The following UBR3 variants were observed in gnomAD, a reference collection of about 807,000 sequenced individuals.
UBR3 encodes the protein ubiquitin protein ligase E3 component n-recognin 3, also known as E3 ubiquitin-protein ligase UBR3.
In UBR3, 85 loss-of-function variants were observed where a neutral mutation model predicts 243.2. The ratio of observed to expected loss-of-function variants is 0.35; its 90% CI spans 0.29 to 0.42. The LOEUF (loss-of-function observed/expected upper bound fraction) is 0.42. Ranked by LOEUF, UBR3 falls within the 10% of genes least tolerant of loss-of-function variation. The pLI, the probability that UBR3 is intolerant of heterozygous loss-of-function variation, is 1.00. For missense variants in UBR3, 1,686 were observed against 2,300.8 expected (o/e 0.73, Z 5.47); for synonymous variants, 748 against 799.8 (o/e 0.94, Z 1.09).
chr2:169,830,074 G>A (rs1053558114), intron 1 of UBR3, among the ~76,000 whole-genome samples: 2 of 151,986 alleles, frequency 1.3e-5, no homozygotes, highest in Non-Finnish European at 2.9e-5. Flanking sequence ...TAAAAAAACT[G>A]CTGCATAGTG....
chr2:169,955,425 C>T (rs2087233865), intron 23 of UBR3, among the ~76,000 whole-genome samples: 1 of 151,998 alleles, frequency 6.6e-6, no homozygotes. Context: ...GGAGTCATGT[C>T]AAGCTGGTTT....
chr2:170,008,616 C>T (rs547658063), intron 28 of UBR3, among the ~76,000 whole-genome samples, 188 bp from the exon 29 acceptor site: 1 of 152,122 alleles, frequency 6.6e-6, no homozygotes, highest in South Asian at 2.1e-4. Flanking sequence ...AATAAAAGAT[C>T]ACTGTTTAGA....
chr2:170,048,120 A>G (rs2091131521), intron 32 of UBR3, among the ~76,000 whole-genome samples: 1 of 152,166 alleles, frequency 6.6e-6, no homozygotes, highest in African/African-American at 2.4e-5. Flanking sequence ...AAAGGTTGAT[A>G]AGGGAGGGGC....
intron 3 of UBR3, 151 bp from the exon 4 acceptor site, chr2:169,877,343 A>G (rs1026709070): frequency 2.4e-5 from 15 of 633,134 alleles, no homozygotes; most frequent in African/African-American, 7.5e-5. Flanking sequence ...CATAAGCACA[A>G]AAGTGTTATT....
chr2:170,066,397 G>A (rs2091567713), intron 35 of UBR3, among the ~76,000 whole-genome samples: 2 of 152,064 alleles, frequency 1.3e-5, no homozygotes, highest in Admixed American at 1.3e-4. Flanking sequence ...TCTAAATAGA[G>A]CAGCTTCACA....
intron 20 of UBR3, among the ~76,000 whole-genome samples, chr2:169,943,629 G>GAA (rs927637406): frequency 2.3e-4 from 35 of 152,004 alleles, no homozygotes; most frequent in Middle Eastern, 3.4e-3. Context: ...AAAGAAAAAA[G>GAA]AAAATAACTA....
In UBR3 at chr2:169,953,496, A is replaced by T. The variant is rs371381060; in HGVS notation, c.3545+3431A>T. On this transcript the variant is annotated intron_variant, in intron 23 of 38. Coordinates refer to ENST00000272793, the MANE Select transcript of UBR3 (RefSeq NM_172070.4). ...ATAAAATGCAGCTTCAATGTCTTTA[A>T]CCCAGGAGTTAATGGAAAATTTTTG... Among the ~76,000 whole-genome samples, 8 of 152,356 alleles carry T rather than the reference A, an allele frequency of 5.3e-5. No individual in the cohort carries two copies. The South Asian group carries it at 1.0e-3, about 20-fold the overall frequency.
rs113066581 is a variant in UBR3 at position 169,936,508 on chromosome 2, C to T, written c.2663+3500C>T. 6.5e-3 allele frequency among the ~76,000 whole-genome samples: 976 copies of T among 150,538 alleles called. 11 individuals are homozygous for T. Among genetic ancestry groups the T allele is most frequent in the African/African-American group, 0.022 (912 of 41,154 alleles). On this transcript the variant is annotated intron_variant, in intron 19 of 38. Transcript: ENST00000272793. Reference sequence around the variant, plus strand: ...TGTAGTATTTGTTTCCTCTAAGATGCGTTTTCTTTTTATTATTATTATTAT... The same window carrying T: ...TGTAGTATTTGTTTCCTCTAAGATGTGTTTTCTTTTTATTATTATTATTAT...
At position 169,827,509 on chromosome 2, in the gene UBR3, TGGC is replaced by T. The variant is rs1362653077; in HGVS notation, c.12_14del (p.Ala8?). The T allele has an allele frequency of 1.6e-6, 2 of 1,229,006 alleles. No homozygotes were observed. Among genetic ancestry groups the T allele is most frequent in the South Asian group, 4.1e-5 (1 of 24,366 alleles). 76.1% of individuals were successfully genotyped at this position (1,229,006 alleles called of 1,614,324 possible). A position where few individuals can be genotyped will look rare whatever the true frequency, so the allele number is the denominator to read the frequency against. On this transcript the variant is annotated start_lost and inframe_deletion, in exon 1 of 39. Transcript: ENST00000272793. ...CTCTCCAAATTCTGAGCTCTCATCA[TGGC>T]GGCGGCGGCCGCGGCGGCCGTCGGG...
chr2:169,994,690 A>G (rs996548189), intron 26 of UBR3, among the ~76,000 whole-genome samples: 9 of 152,238 alleles, frequency 5.9e-5, no homozygotes, highest in African/African-American at 1.9e-4. Context: ...ACATTCAATT[A>G]AGTGGAATGA....
At chr2:169,892,284 C>T (rs2084406071) in intron 6 of UBR3, among the ~76,000 whole-genome samples, 1 of 152,180 alleles carries the variant, frequency 6.6e-6, no homozygotes, top group Non-Finnish European at 1.5e-5. Context: ...ATATGGCCTT[C>T]TGGCTCTTTA....
At chr2:170,060,104 A>C (rs962949612) in intron 33 of UBR3, among the ~76,000 whole-genome samples, 5 of 152,192 alleles carry the variant, frequency 3.3e-5, no homozygotes, top group African/African-American at 4.8e-5. Context: ...TTAAACTTAC[A>C]TTCTGTGGTG....
At chr2:169,920,130 C>A (rs2105343048) in intron 11 of UBR3, among the ~76,000 whole-genome samples, 2 of 151,504 alleles carry the variant, frequency 1.3e-5, no homozygotes, top group Middle Eastern at 6.9e-3. Flanking sequence ...TGTGTATATT[C>A]CAGCCATAAA....
rs145201293 is a variant in UBR3, at chr2:169,956,300, T to TTATATATA, written c.3546-2129_3546-2122dup. On this transcript the variant is annotated intron_variant, in intron 23 of 38. Transcript: ENST00000272793. ...AAATTACATATATTTAACTAAAATG[T>TTATATATA]TATATATATATATATAACTTTTTTA... 3.9e-3 allele frequency among the ~76,000 whole-genome samples: 578 copies of TTATATATA among 147,036 alleles called. 2 individuals are homozygous for TTATATATA. Among genetic ancestry groups the TTATATATA allele is most frequent in the African/African-American group, 0.012 (465 of 40,358 alleles).
intron 4 of UBR3, among the ~76,000 whole-genome samples, 177 bp from the exon 5 acceptor site, chr2:169,878,348 G>A (rs371972025): frequency 4.3e-5 from 6 of 140,754 alleles, no homozygotes; most frequent in Non-Finnish European, 7.7e-5. Flanking sequence ...GCAACAGAGC[G>A]AGAATCCCGT....
intron 1 of UBR3, among the ~76,000 whole-genome samples, chr2:169,836,077 T>C (rs1479820710): frequency 1.1e-5 from 1 of 88,400 alleles, no homozygotes; most frequent in African/African-American, 4.1e-5. Flanking sequence ...ATTTTTTTTT[T>C]TTTTTTTTTT....
At position 169,827,869 on chromosome 2, in the gene UBR3, G is replaced by A; in HGVS notation, c.362G>A (p.Gly121Asp). 1 of 1,508,208 alleles carries A rather than the reference G, an allele frequency of 6.6e-7. No individual in the cohort carries two copies. The highest frequency in any genetic ancestry group is 8.8e-7 in the Non-Finnish European group (1 of 1,132,720). The allele number at this position is 1,508,208 out of a possible 1,614,324, so 93.4% of individuals were successfully genotyped here. Residue 121 changes from glycine to aspartate, a missense_variant, in exon 1 of 39, where the codon GGC becomes GAC. Physicochemically the swap from Gly to Asp is moderately conservative, Grantham distance 94 (BLOSUM62 -1). Around this residue, in one of 8 missense-constraint regions of UBR3, gnomAD observed 145 missense variants for 243.8 expected, o/e 0.59. Coordinates refer to ENST00000272793, the MANE Select transcript of UBR3 (RefSeq NM_172070.4). ...VRAYDPAALC[G>D]LVWTANFVAY... ...GCCTACGATCCCGCGGCGCTCTGCG[G>A]CCTGGTCTGGACAGCCAACTTCGTG...
In UBR3 at chr2:170,081,708, T is replaced by A. The variant is rs905483905; in HGVS notation, c.5550-18T>A. On this transcript the variant is annotated intron_variant, in intron 38 of 38. Coordinates refer to ENST00000272793, the MANE Select transcript of UBR3 (RefSeq NM_172070.4). ...TTCCGTGTATGATATTAATACTTTTTTTTTCTTTTTGTTCTAGGCGAGGCA... is the reference window on the plus strand; with the variant it reads ...TTCCGTGTATGATATTAATACTTTTATTTTCTTTTTGTTCTAGGCGAGGCA... 2 of 1,545,710 alleles carry A rather than the reference T, an allele frequency of 1.3e-6. No individual in the cohort carries two copies. The highest frequency in any genetic ancestry group is 1.8e-6 in the Non-Finnish European group (2 of 1,139,606).
chr2:169,972,811 CTGAA>C (rs2088228645), intron 24 of UBR3, among the ~76,000 whole-genome samples: 1 of 151,800 alleles, frequency 6.6e-6, no homozygotes, highest in African/African-American at 2.4e-5. Flanking sequence ...CAATATCATA[CTGAA>C]TGAGCAAAAA....
Sources: allele counts gnomAD v4.1 joint callset (sites outside exome capture counted in the v4.1 genomes callset), GRCh38; gene constraint gnomAD v4.1.1; regional missense constraint gnomAD v4.1.1; transcripts MANE v1.5; gene names NCBI Gene and HGNC (gene_info 2026-07-23, HGNC 2026-07-21).